CIRSR: variants seen among roughly 807,000 people sequenced by gnomAD.
CIRSR encodes corepressor of RBPJ and splicing regulator, also known as CBF1 (RBPJ) interacting corepressor 1.
the CIRSR span, chr2:174,380,072 T>C: frequency 1.7e-6 from 1 of 591,688 alleles, no homozygotes; most frequent in Non-Finnish European, 2.9e-6. Flanking sequence ...TCTCCTCTAT[T>C]CCTTATATTA....
the CIRSR span, among the ~76,000 whole-genome samples, chr2:174,363,967 C>G: frequency 6.6e-6 from 1 of 152,202 alleles, no homozygotes; most frequent in African/African-American, 2.4e-5. Flanking sequence ...CCAACAGTCC[C>G]CCGAAGGCCT....
chr2:174,351,815 A>G, the CIRSR span: 3 of 868,160 alleles, frequency 3.5e-6, no homozygotes, highest in Non-Finnish European at 5.2e-6. Flanking sequence ...AAGCTTTGTT[A>G]AGTAAAATCA....
the CIRSR span, among the ~76,000 whole-genome samples, chr2:174,371,883 G>GAA: frequency 1.3e-5 from 2 of 152,146 alleles, no homozygotes; most frequent in Non-Finnish European, 2.9e-5. Context: ...CACATCCACT[G>GAA]AAATTGCCTT....
the CIRSR span, among the ~76,000 whole-genome samples, chr2:174,367,362 G>A: frequency 2.0e-5 from 3 of 152,092 alleles, no homozygotes; most frequent in East Asian, 3.9e-4. Flanking sequence ...GACGGATCAC[G>A]AGGTCAAGAG....
At chr2:174,374,874 A>G in the CIRSR span, among the ~76,000 whole-genome samples, 1 of 152,172 alleles carries the variant, frequency 6.6e-6, no homozygotes, top group African/African-American at 2.4e-5. Flanking sequence ...TCCTTAGAGG[A>G]GCCCTTCCTG....
At chr2:174,395,534 C>G in the CIRSR span, 1 of 1,613,314 alleles carries the variant, frequency 6.2e-7, no homozygotes, top group South Asian at 1.1e-5. Context: ...AATCCCTCCC[C>G]GGGTCTGTTT....
At chr2:174,395,704 TC>T in the CIRSR span, 1 of 1,612,476 alleles carries the variant, frequency 6.2e-7, no homozygotes, top group Non-Finnish European at 8.5e-7. Flanking sequence ...GAACTGCGTT[TC>T]CAGCAGCAAG....
At chr2:174,384,609 G>C in the CIRSR span, among the ~76,000 whole-genome samples, 1 of 150,866 alleles carries the variant, frequency 6.6e-6, no homozygotes, top group African/African-American at 2.4e-5. Flanking sequence ...GTTTTTTTTA[G>C]AGACAAAGTC....
the CIRSR span, chr2:174,380,193 G>C: frequency 1.9e-6 from 3 of 1,574,670 alleles, no homozygotes; most frequent in Non-Finnish European, 2.6e-6. Flanking sequence ...TAAAATATGT[G>C]TCACTTGCCT....
At chr2:174,350,350 G>A in the CIRSR span, among the ~76,000 whole-genome samples, 2 of 152,218 alleles carry the variant, frequency 1.3e-5, no homozygotes, top group East Asian at 3.9e-4. Flanking sequence ...TGTTTCCTAA[G>A]AACAAATTGT....
chr2:174,359,695 C>A, the CIRSR span, among the ~76,000 whole-genome samples: 2 of 152,082 alleles, frequency 1.3e-5, no homozygotes, highest in Admixed American at 6.6e-5. Flanking sequence ...TTTGACCCAG[C>A]GATTCCATTA....
the CIRSR span, among the ~76,000 whole-genome samples, chr2:174,361,772 G>T: frequency 6.6e-6 from 1 of 152,140 alleles, no homozygotes; most frequent in African/African-American, 2.4e-5. Flanking sequence ...AACAAGATTG[G>T]ATAGAAACAT....
chr2:174,355,875 CA>C, the CIRSR span, among the ~76,000 whole-genome samples: 2 of 152,184 alleles, frequency 1.3e-5, no homozygotes, highest in Admixed American at 6.5e-5. Flanking sequence ...GGGAATGCCA[CA>C]AATGGCATAG....
At chr2:174,387,888 C>A in the CIRSR span, 2 of 942,188 alleles carry the variant, frequency 2.1e-6, no homozygotes, top group Non-Finnish European at 3.0e-6. Context: ...AGCAGGAGTG[C>A]CCAATCTTTT....
At chr2:174,377,282 C>T in the CIRSR span, among the ~76,000 whole-genome samples, 1 of 152,332 alleles carries the variant, frequency 6.6e-6, no homozygotes, top group East Asian at 1.9e-4. Context: ...GTATATAACA[C>T]ACACCACTCC....
At chr2:174,358,924 C>G in the CIRSR span, among the ~76,000 whole-genome samples, 1 of 152,048 alleles carries the variant, frequency 6.6e-6, no homozygotes, top group East Asian at 1.9e-4. Flanking sequence ...ATCGGCCAGG[C>G]TGGTCTCGAA....
At chr2:174,385,594 T>C in the CIRSR span, among the ~76,000 whole-genome samples, 6 of 150,950 alleles carry the variant, frequency 4.0e-5, no homozygotes, top group African/African-American at 9.8e-5. Flanking sequence ...AAAAGACGAG[T>C]CTGACCACCT....
the CIRSR span, among the ~76,000 whole-genome samples, chr2:174,387,030 T>C: frequency 6.6e-6 from 1 of 152,240 alleles, no homozygotes; most frequent in Non-Finnish European, 1.5e-5. Context: ...AGAAAGCTAC[T>C]TAACTTTTAT....
the CIRSR span, among the ~76,000 whole-genome samples, chr2:174,354,415 ATAAT>A: frequency 2.4e-5 from 2 of 83,948 alleles, no homozygotes; most frequent in East Asian, 3.5e-4. Context: ...TATATTATAT[ATAAT>A]ATATATTATA....
Sources: allele counts gnomAD v4.1 joint callset (sites outside exome capture counted in the v4.1 genomes callset), GRCh38; gene constraint gnomAD v4.1.1; transcripts MANE v1.5; gene names NCBI Gene and HGNC (gene_info 2026-07-23, HGNC 2026-07-21).